Variants in DGKG observed in about 807,000 individuals in gnomAD.
DGKG encodes DAG kinase gamma.
DGKG carries 78 observed loss-of-function variants against 105.3 expected under a neutral mutation model. That is an observed-to-expected ratio of 0.74 (90% CI 0.62 to 0.89). DGKG has a LOEUF of 0.89. Among genes scored for constraint, DGKG ranks in the 40% least tolerant of loss-of-function variants. The probability of loss-of-function intolerance (pLI) is 0.00; values close to 1 mark genes in which losing one functional copy is unlikely to be tolerated. For missense variants in DGKG, 958 were observed against 1,020.1 expected, an observed-to-expected ratio of 0.94 and a Z score of 0.83; for synonymous variants, 346 against 367.1, an observed-to-expected ratio of 0.94 and a Z score of 0.66.
chr3:186,173,705 G>T (rs1220688835), intron 22 of DGKG, among the ~76,000 whole-genome samples: 1 of 152,250 alleles, frequency 6.6e-6, no homozygotes, highest in Non-Finnish European at 1.5e-5. Context: ...CCTGGCGAAA[G>T]AGCTTCAAAG....
At chr3:186,244,568 C>T (rs1720848075) in intron 19 of DGKG, among the ~76,000 whole-genome samples, 1 of 151,856 alleles carries the variant, frequency 6.6e-6, no homozygotes, top group Non-Finnish European at 1.5e-5. Flanking sequence ...CCATGTCGGG[C>T]TAATTTTTTG....
rs1578776143 is a variant in DGKG at position 186,284,869 on chromosome 3, A to G, written c.545-160T>C. 1.3e-5 allele frequency among the ~76,000 whole-genome samples: 2 copies of G among 152,190 alleles called. No homozygotes were observed. Among genetic ancestry groups the G allele is most frequent in the African/African-American group, 4.8e-5 (2 of 41,438 alleles). ...TCTGAGCACAGAGTCTGACTTCCTT[A>G]CAGAGAGGCTGGGCCAAGGGAGGAG... is the stretch of plus-strand genomic sequence containing the variant. On this transcript the variant is annotated intron_variant, in intron 6 of 24. Coordinates refer to ENST00000265022, the MANE Select transcript of DGKG (RefSeq NM_001346.3). This position sits in a 1 kb window ranked among gnomAD's most constrained non-coding sequence, Gnocchi z 4.0.
intron 1 of DGKG, 32 bp from the exon 2 acceptor site, chr3:186,320,739 A>G: frequency 2.9e-6 from 1 of 348,232 alleles, no homozygotes; most frequent in Non-Finnish European, 5.1e-6. Context: ...ATTGTAAATG[A>G]GAATGTTAAA....
intron 22 of DGKG, among the ~76,000 whole-genome samples, chr3:186,178,126 C>G (rs1414064473): frequency 6.6e-6 from 1 of 152,200 alleles, no homozygotes; most frequent in Non-Finnish European, 1.5e-5. Context: ...GTGCTTGTGG[C>G]TTGATCTTGG....
intron 7 of DGKG, among the ~76,000 whole-genome samples, chr3:186,283,883 C>T (rs1722940382): frequency 6.6e-6 from 1 of 152,342 alleles, no homozygotes; most frequent in Middle Eastern, 3.4e-3. Flanking sequence ...TCCCTTCCTT[C>T]CTTCCTCTGG....
intron 22 of DGKG, among the ~76,000 whole-genome samples, chr3:186,168,484 C>T (rs1277624533): frequency 6.6e-6 from 1 of 152,180 alleles, no homozygotes; most frequent in Non-Finnish European, 1.5e-5. Flanking sequence ...CCATCCAGTT[C>T]AGCCTCCAGG....
chr3:186,225,166 T>A (rs1195717829), intron 20 of DGKG, among the ~76,000 whole-genome samples: 1 of 152,000 alleles, frequency 6.6e-6, no homozygotes, highest in African/African-American at 2.4e-5. Flanking sequence ...TACGATTATA[T>A]TAATAGTTCC....
chr3:186,177,571 G>A (rs1315992968), intron 22 of DGKG, among the ~76,000 whole-genome samples: 1 of 152,170 alleles, frequency 6.6e-6, no homozygotes, highest in Non-Finnish European at 1.5e-5. Context: ...TAACACGATT[G>A]TTCTAAAGAT....
chr3:186,199,430 A>G (rs552493107), intron 21 of DGKG, among the ~76,000 whole-genome samples: 1 of 152,030 alleles, frequency 6.6e-6, no homozygotes, highest in South Asian at 2.1e-4. Context: ...ATTAATATAT[A>G]TCATTTATTG....
chr3:186,314,182 CA>C (rs1724697875), intron 2 of DGKG, among the ~76,000 whole-genome samples: 1 of 54,180 alleles, frequency 1.8e-5, no homozygotes, highest in Non-Finnish European at 4.1e-5. Flanking sequence ...TGCACACACA[CA>C]CACACACACA....
chr3:186,354,106 G>T (rs58133663), intron 1 of DGKG, among the ~76,000 whole-genome samples: 2,176 of 152,200 alleles, frequency 0.014, 49 homozygotes, highest in African/African-American at 0.049. Context: ...TGGGGAGTTT[G>T]GGGGGCTAGA....
chr3:186,154,420 G>A (rs1038242057), intron 24 of DGKG, among the ~76,000 whole-genome samples: 4 of 152,090 alleles, frequency 2.6e-5, no homozygotes, highest in African/African-American at 9.7e-5. Context: ...AGGTGGGGCA[G>A]ATCACCTGAG....
chr3:186,159,348 A>G (rs990522543), intron 24 of DGKG: 2 of 148,216 alleles, frequency 1.3e-5, no homozygotes, highest in African/African-American at 4.9e-5. Flanking sequence ...TTTTGTCATC[A>G]AAGTGAAGAG....
At chr3:186,299,830 T>C (rs1406875305) in intron 3 of DGKG, among the ~76,000 whole-genome samples, 21 of 124,380 alleles carry the variant, frequency 1.7e-4, no homozygotes, top group African/African-American at 5.6e-4. Context: ...TCTTTCTTTC[T>C]TTCTTTCTTT....
chr3:186,296,608 C>T (rs566512330), intron 5 of DGKG, among the ~76,000 whole-genome samples: 1 of 152,354 alleles, frequency 6.6e-6, no homozygotes, highest in Admixed American at 6.5e-5. Context: ...GGCACCACTA[C>T]AGCAGCTCCG....
chr3:186,326,927 G>A (rs1408607934), intron 1 of DGKG, among the ~76,000 whole-genome samples: 1 of 152,202 alleles, frequency 6.6e-6, no homozygotes, highest in East Asian at 1.9e-4. Context: ...GGGAGGCTGA[G>A]CCAGGCAGAT....
Position 186,204,251 on chromosome 3 carries a change from C to G in DGKG, c.1917+7544G>C, listed in dbSNP as rs117304975. Among the ~76,000 whole-genome samples, 712 of 152,126 alleles carry G rather than the reference C, an allele frequency of 4.7e-3. 10 individuals carry two copies. Among genetic ancestry groups the G allele is most frequent in the South Asian group, 0.041 (195 of 4,808 alleles). On this transcript the variant is annotated intron_variant, in intron 21 of 24. Transcript: ENST00000265022. ...TGGTGAAACCCCATCTCTACAAATA[C>G]AAACATTAGCCAGGCATTGTGGTGT... is the stretch of plus-strand genomic sequence containing the variant.
chr3:186,347,875 AC>A lies in DGKG; in HGVS notation c.-249+14070del, dbSNP rs1454433030. Among the ~76,000 whole-genome samples the A allele has an allele frequency of 2.6e-5, 4 of 152,116 alleles. No individual in the cohort carries two copies. In the East Asian group the frequency reaches 7.7e-4, roughly 29 times the overall value. ...TGGGATTACAGGCATGAGCCTCCGCACCCAGCCCTTTTTTAGTTTTCATTCT... is the reference window on the plus strand; with the variant it reads ...TGGGATTACAGGCATGAGCCTCCGCACCAGCCCTTTTTTAGTTTTCATTCT... On this transcript the variant is annotated intron_variant, in intron 1 of 24. Coordinates refer to ENST00000265022, the MANE Select transcript of DGKG (RefSeq NM_001346.3).
At chr3:186,319,801 G>T (rs1376423621) in intron 2 of DGKG, among the ~76,000 whole-genome samples, 1 of 152,186 alleles carries the variant, frequency 6.6e-6, no homozygotes, top group Non-Finnish European at 1.5e-5. Flanking sequence ...TGGTTCTGGG[G>T]CACAACTAAT....
Sources: allele counts gnomAD v4.1 joint callset (sites outside exome capture counted in the v4.1 genomes callset), GRCh38; gene constraint gnomAD v4.1.1; non-coding constraint Gnocchi (gnomAD v3.1); transcripts MANE v1.5; gene names NCBI Gene and HGNC (gene_info 2026-07-23, HGNC 2026-07-21).